SCNM1: variants seen among roughly 807,000 people sequenced by gnomAD.
SCNM1 encodes sodium channel modifier 1.
SCNM1 carries 24 observed loss-of-function variants against 32.8 expected under a neutral mutation model. That is an observed-to-expected ratio of 0.73 (90% confidence interval 0.53 to 1.03). The LOEUF is 1.03. Among genes scored for constraint, SCNM1 ranks in the 50% least tolerant of loss-of-function variants. SCNM1 has a pLI of 0.00. For missense variants in SCNM1, 274 were observed against 282.3 expected, an observed-to-expected ratio of 0.97 and a Z score of 0.21; for synonymous variants, 99 against 103.2, an observed-to-expected ratio of 0.96 and a Z score of 0.25.
At chr1:151,167,523 T>C (rs755333264) in intron 5 of SCNM1, 109 bp downstream of exon 5, 3 of 1,478,192 alleles carry the variant, frequency 2.0e-6, no homozygotes, top group Middle Eastern at 1.7e-4. Context: ...GAGATGTTAC[T>C]TAGTGTTTCA....
Position 151,169,161 on chromosome 1 carries a change from G to A in SCNM1, c.*76G>A. On this transcript the variant is annotated 3_prime_UTR_variant, in exon 7 of 7. Transcript: ENST00000368905. The stretch of plus-strand genomic sequence containing the variant: ...TAACTTTCCTTAAGTCTGGTTCCTT[G>A]TTGGATCTCAGGATTTCAGATCTGT... 2 of 1,527,340 alleles carry A rather than the reference G, an allele frequency of 1.3e-6. No homozygotes were observed. The highest frequency in any genetic ancestry group is 1.8e-6 in the Non-Finnish European group (2 of 1,116,880). The allele number at this position is 1,527,340 out of a possible 1,614,324, so 94.6% of individuals were successfully genotyped here.
Position 151,167,101 on chromosome 1 carries a change from C to T in SCNM1, c.212-20C>T, listed in dbSNP as rs374593278. ...CACTCTTGGTGCTATGCTTTTAATT[C>T]TGTTTCCCTTTCTCCTCAGGCTTGC... is the stretch of plus-strand genomic sequence containing the variant. On this transcript the variant is annotated intron_variant, in intron 3 of 6. Transcript: ENST00000368905. 1 of 1,614,170 alleles carries T rather than the reference C, an allele frequency of 6.2e-7. No homozygotes were observed. Among genetic ancestry groups the T allele is most frequent in the Non-Finnish European group, 8.5e-7 (1 of 1,180,012 alleles).
In SCNM1 at chr1:151,166,208, G is replaced by A. The variant is rs1683689920; in HGVS notation, c.51+5G>A. 6.3e-7 allele frequency: 1 copy of A among 1,596,082 alleles called. No homozygotes were observed. Among genetic ancestry groups the A allele is most frequent in the Non-Finnish European group, 8.5e-7 (1 of 1,170,272 alleles). ...AGTCAACTCAATGTGCTCAAAGTAA[G>A]CGTGAGCGGAGAGGATCTGGAGCCG... On this transcript the variant is annotated splice_donor_5th_base_variant and intron_variant, in intron 1 of 6. Transcript: ENST00000368905.
chr1:151,166,170 A>G lies in SCNM1; in HGVS notation c.18A>G (p.Glu6=), dbSNP rs886613170. 5.6e-6 allele frequency: 9 copies of G among 1,607,160 alleles called. No individual in the cohort carries two copies. The highest frequency in any genetic ancestry group is 7.7e-6 in the Non-Finnish European group (9 of 1,176,402). Residue 6 remains glutamate, a synonymous_variant, in exon 1 of 7, where the codon GAA becomes GAG. Coordinates refer to ENST00000368905, the MANE Select transcript of SCNM1 (RefSeq NM_024041.4). MSFKR[E]GDDWSQLNVL... ...CAGTCGTGATGTCTTTCAAGAGGGA[A>G]GGAGACGATTGGAGTCAACTCAATG...
intron 4 of SCNM1, 42 bp downstream of exon 4, chr1:151,167,260 T>G: frequency 6.2e-7 from 1 of 1,614,128 alleles, no homozygotes; most frequent in Non-Finnish European, 8.5e-7. Flanking sequence ...AAGACCCTGC[T>G]GCACACACCA....
intron 6 of SCNM1, 130 bp downstream of exon 6, chr1:151,168,468 G>C: frequency 7.6e-7 from 1 of 1,317,670 alleles, no homozygotes. Flanking sequence ...GAGTGCAATG[G>C]CACGCTCTCG....
intron 5 of SCNM1, chr1:151,167,635 C>T: frequency 1.9e-6 from 1 of 520,074 alleles, no homozygotes; most frequent in Non-Finnish European, 3.4e-6. Context: ...AGTTCAAGAC[C>T]AGCCTGGCCA....
At position 151,168,252 on chromosome 1, in the gene SCNM1, G is replaced by A. The variant is rs758607529; in HGVS notation, c.507G>A (p.Gln169=). ...SREPEPAAGP[Q]AEESATVSAP... is the part of the protein sequence containing the mutation. ...AACCTGAACCTGCGGCTGGCCCACA[G>A]GCCGAGGAGTCAGCAACTGTCTCAG... is the stretch of plus-strand genomic sequence containing the variant. The change falls in exon 6 of 7, where the codon CAG becomes CAA. Residue 169 remains glutamine, a synonymous_variant. Coordinates refer to ENST00000368905, the MANE Select transcript of SCNM1 (RefSeq NM_024041.4). 2 of 1,614,174 alleles carry A rather than the reference G, an allele frequency of 1.2e-6. No individual in the cohort carries two copies. The highest frequency in any genetic ancestry group is 2.2e-5 in the South Asian group (2 of 91,088).
rs5777765 is a variant in SCNM1, at chr1:151,169,240, C to CTTT, written c.*175_*177dup. ...GCAAGGTACACAGCTCTCCACACTCCTTTTTTTTTTTTTTTTTTTTTTGAG... is the reference window on the plus strand; with the variant it reads ...GCAAGGTACACAGCTCTCCACACTCCTTTTTTTTTTTTTTTTTTTTTTTTTGAG... On this transcript the variant is annotated 3_prime_UTR_variant, in exon 7 of 7. Transcript: ENST00000368905. 1.5e-3 allele frequency: 434 copies of CTTT among 282,204 alleles called. No homozygotes were observed. The highest frequency in any genetic ancestry group is 3.5e-3 in the South Asian group (79 of 22,834). The allele number at this position is 282,204 out of a possible 1,614,324, so 17.5% of individuals were successfully genotyped here. A position where few individuals can be genotyped will look rare whatever the true frequency, so the allele number is the denominator to read the frequency against.
chr1:151,166,721 A>C (rs1003029571), intron 2 of SCNM1, 180 bp downstream of exon 2: 16 of 1,245,802 alleles, frequency 1.3e-5, no homozygotes, highest in Admixed American at 5.4e-5. Flanking sequence ...AGCGCATGCC[A>C]CCACGCCTGG....
intron 4 of SCNM1, 51 bp from the exon 5 acceptor site, chr1:151,167,275 G>A (rs1432353545): frequency 6.2e-7 from 1 of 1,613,990 alleles, no homozygotes; most frequent in South Asian, 1.1e-5. Context: ...ACACCAGGCT[G>A]GAAGGGCGGA....
chr1:151,169,843 A>ACAC lies in SCNM1; in HGVS notation c.*760_*762dup. The ACAC allele has an allele frequency of 3.7e-6, 2 of 542,906 alleles. No individual in the cohort carries two copies. The highest frequency in any genetic ancestry group is 4.2e-5 in the South Asian group (2 of 48,112). The allele number at this position is 542,906 out of a possible 1,614,324, so 33.6% of individuals were successfully genotyped here. ...GTTATGGGGAACACCAAGGGAGGGA[A>ACAC]CACCCCCACCTCCTCCTAGTAACCT... On this transcript the variant is annotated 3_prime_UTR_variant, in exon 7 of 7. Transcript: ENST00000368905.
rs1191168605 is a variant in SCNM1 at position 151,169,048 on chromosome 1, C to T, written c.656C>T (p.Ser219Phe). The change falls in exon 7 of 7, where the codon TCT (serine) becomes TTT (phenylalanine). Residue 219 changes from serine (S) to phenylalanine (F), a missense_variant. Coordinates refer to ENST00000368905, the MANE Select transcript of SCNM1 (RefSeq NM_024041.4). The part of the protein sequence containing the change: ...WVKDENVEFD[S>F]DEEEPPDLPL... ...AAAGATGAAAATGTTGAGTTTGACT[C>T]TGATGAGGAGGAACCACCTGATCTC... 2.5e-6 allele frequency: 4 copies of T among 1,613,902 alleles called. No homozygotes were observed. The African/African-American group carries it at 4.0e-5, about 16-fold the overall frequency.
At chr1:151,168,927 C>A in intron 6 of SCNM1, 59 bp from the exon 7 acceptor site, 2 of 1,599,412 alleles carry the variant, frequency 1.3e-6, no homozygotes, top group Non-Finnish European at 1.7e-6. Flanking sequence ...TGTGAGCTCA[C>A]CACTAACTTC....
At position 151,167,196 on chromosome 1, in the gene SCNM1, G is replaced by A; in HGVS notation, c.287G>A (p.Arg96Lys). Residue 96 changes from arginine to lysine, a missense_variant, in exon 4 of 7, where the codon AGA (arginine) becomes AAA (lysine). Coordinates refer to ENST00000368905, the MANE Select transcript of SCNM1 (RefSeq NM_024041.4). ...AATCCAAAACATCAGAATGAATTGAGAAGGGAAGAAACCAAAGCTGAGGTA... is the reference window on the plus strand; with the variant it reads ...AATCCAAAACATCAGAATGAATTGAAAAGGGAAGAAACCAAAGCTGAGGTA... ...KQNPKHQNEL[R>K]REETKAEAPL... is the part of the protein sequence containing the mutation. 6.2e-7 allele frequency: 1 copy of A among 1,614,194 alleles called. No individual in the cohort carries two copies. The highest frequency in any genetic ancestry group is 8.5e-7 in the Non-Finnish European group (1 of 1,180,040).
At position 151,169,776 on chromosome 1, in the gene SCNM1, A is replaced by G; in HGVS notation, c.*691A>G. Reference sequence around the variant, plus strand: ...CACATCTGGAAACAGGGCTGTGGCTAAGTTCCCTGTGAAAGTAGAAGAGTC... The same window carrying G: ...CACATCTGGAAACAGGGCTGTGGCTGAGTTCCCTGTGAAAGTAGAAGAGTC... On this transcript the variant is annotated 3_prime_UTR_variant, in exon 7 of 7. Coordinates refer to ENST00000368905, the MANE Select transcript of SCNM1 (RefSeq NM_024041.4). 3 of 403,998 alleles carry G rather than the reference A, an allele frequency of 7.4e-6. No individual in the cohort carries two copies. In the South Asian group the frequency reaches 8.2e-5, roughly 11 times the overall value. 25.0% of individuals were successfully genotyped at this position (403,998 alleles called of 1,614,324 possible).
rs1173696052 is a variant in SCNM1 at position 151,169,050 on chromosome 1, G to A, written c.658G>A (p.Asp220Asn). The stretch of plus-strand genomic sequence containing the variant: ...AGATGAAAATGTTGAGTTTGACTCT[G>A]ATGAGGAGGAACCACCTGATCTCCC... ...VKDENVEFDS[D>N]EEEPPDLPLD Residue 220 changes from aspartate (D) to asparagine (N), a missense_variant, in exon 7 of 7, where the codon GAT becomes AAT. Coordinates refer to ENST00000368905, the MANE Select transcript of SCNM1 (RefSeq NM_024041.4). 6.2e-7 allele frequency: 1 copy of A among 1,613,980 alleles called. No homozygotes were observed.
chr1:151,168,158 G>T lies in SCNM1; in HGVS notation c.413G>T (p.Gly138Val), dbSNP rs370184770. ...TCTCTACCTAGACCAGAAGCCCCTG[G>T]TCCCTCTGTCTCCCTTTCCCCTATG... ...CRRKYRPEAP[G>V]PSVSLSPMPP... is the part of the protein sequence containing the mutation. The change falls in exon 6 of 7, where the codon GGT becomes GTT. Residue 138 changes from glycine (G) to valine (V), a missense_variant. Transcript: ENST00000368905. 2 of 1,612,760 alleles carry T rather than the reference G, an allele frequency of 1.2e-6. No homozygotes were observed. The highest frequency in any genetic ancestry group is 2.7e-5 in the African/African-American group (2 of 74,826).
Position 151,166,157 on chromosome 1 carries a change from C to T in SCNM1, c.5C>T (p.Ser2Phe). M[S>F]FKREGDDWSQ... ...CTTCTGGGACTCACAGTCGTGATGT[C>T]TTTCAAGAGGGAAGGAGACGATTGG... The change falls in exon 1 of 7, where the codon TCT becomes TTT. Residue 2 changes from serine to phenylalanine, a missense_variant. By Grantham distance (155) the Ser-to-Phe change is radical. Coordinates refer to ENST00000368905, the MANE Select transcript of SCNM1 (RefSeq NM_024041.4). 1 of 1,605,864 alleles carries T rather than the reference C, an allele frequency of 6.2e-7. No individual in the cohort carries two copies. The highest frequency in any genetic ancestry group is 8.5e-7 in the Non-Finnish European group (1 of 1,175,504).
Sources: gnomAD v4.1 joint callset for allele counts on GRCh38, gnomAD v4.1.1 for gene constraint, MANE v1.5 for transcripts, NCBI Gene and HGNC (gene_info 2026-07-23, HGNC 2026-07-21) for gene names.